SNX25: variants seen among roughly 807,000 people sequenced by gnomAD.
SNX25 encodes sorting nexin 25.
In SNX25, 62 loss-of-function variants were observed where a neutral mutation model predicts 113.7. That is an observed-to-expected ratio of 0.55 (90% CI 0.44 to 0.67). SNX25 has a LOEUF of 0.67. Ranked by LOEUF, SNX25 falls within the 30% of genes least tolerant of loss-of-function variation. The pLI, the probability that SNX25 is intolerant of heterozygous loss-of-function variation, is 0.00. For missense variants in SNX25, 1,014 were observed against 1,161.0 expected, an observed-to-expected ratio of 0.87 and a Z score of 1.84; for synonymous variants, 421 against 436.2, an observed-to-expected ratio of 0.97 and a Z score of 0.43.
At position 185,264,472 on chromosome 4, in the gene SNX25, G is replaced by A. The variant is rs529369855; in HGVS notation, c.766G>A (p.Ala256Thr). ...EEQPRPFVLH[A>T]CLRNSDDEVR... is the part of the protein sequence containing the mutation. ...ACAGCCAAGACCTTTTGTGTTGCAC[G>A]CATGCTTGAGGAACTCAGATGATGA... is the stretch of plus-strand genomic sequence containing the variant. Residue 256 changes from alanine to threonine, a missense_variant, in exon 4 of 19, where the codon GCA becomes ACA. Physicochemically the swap from Ala to Thr is moderately conservative, Grantham distance 58. Transcript: ENST00000652585. 1.1e-5 allele frequency: 18 copies of A among 1,613,450 alleles called. No individual in the cohort carries two copies. The highest frequency in any genetic ancestry group is 2.7e-5 in the African/African-American group (2 of 74,982).
intron 17 of SNX25, 60 bp downstream of exon 17, chr4:185,362,165 G>A (rs967532731): frequency 1.3e-6 from 2 of 1,485,520 alleles, no homozygotes; most frequent in African/African-American, 2.8e-5. Context: ...GAACCCCACT[G>A]AGGTGATTTT....
chr4:185,205,996 C>A (rs1293599627), upstream of SNX25, among the ~76,000 whole-genome samples: 1 of 151,938 alleles, frequency 6.6e-6, no homozygotes, highest in Non-Finnish European at 1.5e-5. Flanking sequence ...TGGCTTTAGT[C>A]AAAAAAATAG....
chr4:185,208,169 C>A (rs960516316), upstream of SNX25, among the ~76,000 whole-genome samples: 3 of 152,002 alleles, frequency 2.0e-5, no homozygotes, highest in Admixed American at 6.5e-5. Context: ...AGTGCAATGG[C>A]GCGATGTCGG....
At chr4:185,270,795 G>A (rs1410163466) in intron 5 of SNX25, among the ~76,000 whole-genome samples, 1 of 152,144 alleles carries the variant, frequency 6.6e-6, no homozygotes, top group Non-Finnish European at 1.5e-5. Context: ...GGCCTTTTGT[G>A]TCTGGTTGCT....
intron 10 of SNX25, among the ~76,000 whole-genome samples, chr4:185,337,691 T>TA (rs1292886838): frequency 6.6e-6 from 1 of 152,218 alleles, no homozygotes; most frequent in African/African-American, 2.4e-5. Flanking sequence ...CCACAACATC[T>TA]ATACCATTTT....
intron 13 of SNX25, among the ~76,000 whole-genome samples, chr4:185,349,421 G>C (rs1018112835): frequency 1.3e-5 from 2 of 152,172 alleles, no homozygotes; most frequent in African/African-American, 4.8e-5. Flanking sequence ...TCCTTTGGAT[G>C]TATATCCAGT....
At chr4:185,242,801 CCCGAGG>C (rs1205285472) in intron 1 of SNX25, among the ~76,000 whole-genome samples, 2 of 152,188 alleles carry the variant, frequency 1.3e-5, no homozygotes, top group Admixed American at 1.3e-4. Flanking sequence ...GAGACTTGCC[CCCGAGG>C]CCCGACACAC....
At chr4:185,241,797 C>T (rs1016389556) in intron 1 of SNX25, among the ~76,000 whole-genome samples, 3 of 152,196 alleles carry the variant, frequency 2.0e-5, no homozygotes, top group African/African-American at 7.2e-5. Flanking sequence ...CTAAAACAGG[C>T]ATTTTAGGAA....
chr4:185,344,967 A>G (rs2095278385), intron 12 of SNX25, among the ~76,000 whole-genome samples: 1 of 152,230 alleles, frequency 6.6e-6, no homozygotes, highest in African/African-American at 2.4e-5. Flanking sequence ...TAAAATTGAT[A>G]CTACAGAAAA....
chr4:185,341,205 G>A (rs1409793034), intron 11 of SNX25, among the ~76,000 whole-genome samples: 1 of 151,752 alleles, frequency 6.6e-6, no homozygotes, highest in Non-Finnish European at 1.5e-5. Flanking sequence ...GGATTAGTGT[G>A]TGTGTATGTG....
At chr4:185,207,604 C>T (rs1435872569), upstream of SNX25, 1 of 151,990 alleles carries the variant, frequency 6.6e-6, no homozygotes, top group Non-Finnish European at 1.5e-5. Context: ...ATGAGTAAAT[C>T]AGAGAATTCT....
At chr4:185,330,583 A>C (rs1337961535) in intron 9 of SNX25, among the ~76,000 whole-genome samples, 2 of 152,142 alleles carry the variant, frequency 1.3e-5, no homozygotes, top group African/African-American at 4.8e-5. Context: ...ACTGTTAGTG[A>C]CCCCTATGAG....
At chr4:185,276,732 T>C (rs931551457) in intron 5 of SNX25, among the ~76,000 whole-genome samples, 1 of 152,158 alleles carries the variant, frequency 6.6e-6, no homozygotes, top group Admixed American at 6.6e-5. Context: ...CATCTAGCAA[T>C]GCTGGACCAG....
intron 9 of SNX25, among the ~76,000 whole-genome samples, chr4:185,326,357 A>G (rs1355150789): frequency 1.3e-5 from 2 of 152,170 alleles, no homozygotes; most frequent in South Asian, 2.1e-4. Flanking sequence ...ACAATCTCCA[A>G]AGTTATCAGA....
chr4:185,205,117 G>A (rs1002146930), upstream of SNX25, among the ~76,000 whole-genome samples: 1 of 152,166 alleles, frequency 6.6e-6, no homozygotes, highest in African/African-American at 2.4e-5. Context: ...TGTACTTGTT[G>A]GTCTTAATTA....
chr4:185,332,335 C>T (rs2095201263), intron 9 of SNX25, among the ~76,000 whole-genome samples: 2 of 152,104 alleles, frequency 1.3e-5, no homozygotes, highest in African/African-American at 2.4e-5. Context: ...TTAGAGGTAC[C>T]ACTTGGGAAA....
intron 5 of SNX25, among the ~76,000 whole-genome samples, chr4:185,272,809 A>C (rs1459479695): frequency 6.6e-6 from 1 of 152,226 alleles, no homozygotes; most frequent in East Asian, 1.9e-4. Context: ...GGGATACCTC[A>C]TTCTTTTACC....
downstream of SNX25, chr4:185,371,031 T>C (rs1008235318): frequency 8.4e-6 from 4 of 477,406 alleles, no homozygotes; most frequent in African/African-American, 1.9e-5. Flanking sequence ...TCTGTAATTA[T>C]GCTCAGCAGG....
chr4:185,290,089 A>G (rs1029457168), intron 6 of SNX25, among the ~76,000 whole-genome samples: 28 of 152,072 alleles, frequency 1.8e-4, no homozygotes, highest in Admixed American at 3.9e-4. Flanking sequence ...TGTGTTTTCT[A>G]TTCTTACAAG....
Sources: gnomAD v4.1 joint callset for allele counts (sites outside exome capture counted in the v4.1 genomes callset) on GRCh38, gnomAD v4.1.1 for gene constraint, MANE v1.5 for transcripts, NCBI Gene and HGNC (gene_info 2026-07-23, HGNC 2026-07-21) for gene names.